The following EFCAB6 variants were observed in gnomAD, a reference collection of about 807,000 sequenced individuals.
EFCAB6 encodes the protein EF-hand calcium-binding domain-containing protein 6.
In EFCAB6, 156 loss-of-function variants were observed where a neutral mutation model predicts 169.8. The ratio of observed to expected loss-of-function variants is 0.92; its 90% CI spans 0.81 to 1.05. The LOEUF (loss-of-function observed/expected upper bound fraction) is 1.05. Among genes scored for constraint, EFCAB6 ranks in the 50% least tolerant of loss-of-function variants. The pLI is 0.00. For synonymous variants in EFCAB6, 698 were observed against 676.4 expected, an observed-to-expected ratio of 1.03 and a Z score of -0.50; for missense variants, 1,800 against 1,829.1, an observed-to-expected ratio of 0.98 and a Z score of 0.29.
chr22:43,533,075 G>A (rs1240001255), intron 30 of EFCAB6, among the ~76,000 whole-genome samples: 2 of 152,258 alleles, frequency 1.3e-5, no homozygotes, highest in African/African-American at 4.8e-5. Flanking sequence ...TTCAATTGTG[G>A]AACTGTAAGT....
intron 28 of EFCAB6, among the ~76,000 whole-genome samples, chr22:43,538,671 G>A (rs543330602): frequency 2.6e-5 from 4 of 152,294 alleles, no homozygotes; most frequent in Admixed American, 2.6e-4. Flanking sequence ...ACAGGTGTGA[G>A]CCACTGCACC....
chr22:43,767,084 C>T lies in EFCAB6; in HGVS notation c.352-1691G>A, dbSNP rs74983278. ...AAATAAATATACAATCAATATAAATCTATTTCATCAAGCTTCACACAAATA... is the reference window on the plus strand; with the variant it reads ...AAATAAATATACAATCAATATAAATTTATTTCATCAAGCTTCACACAAATA... On this transcript the variant is annotated intron_variant, in intron 4 of 31. Transcript: ENST00000262726. Among the ~76,000 whole-genome samples, 246 of 152,190 alleles carry T rather than the reference C, an allele frequency of 1.6e-3. 1 individual carries two copies. Among genetic ancestry groups the T allele is most frequent in the African/African-American group, 5.4e-3 (223 of 41,546 alleles).
intron 8 of EFCAB6, among the ~76,000 whole-genome samples, chr22:43,728,389 T>C (rs992790927): frequency 1.6e-4 from 24 of 152,234 alleles, no homozygotes; most frequent in Non-Finnish European, 8.8e-5. Flanking sequence ...CATGTGTCTT[T>C]ATAGTAGAAT....
At chr22:43,785,387 T>C (rs2062039674) in intron 2 of EFCAB6, among the ~76,000 whole-genome samples, 1 of 151,664 alleles carries the variant, frequency 6.6e-6, no homozygotes, top group Non-Finnish European at 1.5e-5. Flanking sequence ...ACGTGGAAAT[T>C]AAACAACACA....
intron 24 of EFCAB6, among the ~76,000 whole-genome samples, chr22:43,582,339 C>T (rs1028953626): frequency 8.2e-6 from 1 of 121,310 alleles, no homozygotes; most frequent in South Asian, 2.8e-4. Context: ...TTTCTATACA[C>T]ATACACACAC....
At chr22:43,530,474 G>T (rs2046990519) in intron 31 of EFCAB6, 1 of 963,414 alleles carries the variant, frequency 1.0e-6, no homozygotes, top group African/African-American at 1.8e-5. Context: ...GAGCCTGCAG[G>T]AGAGCCCAGG....
chr22:43,542,712 C>T lies in EFCAB6; in HGVS notation c.3649-2355G>A, dbSNP rs892524988. 3.9e-5 allele frequency among the ~76,000 whole-genome samples: 6 copies of T among 152,192 alleles called. No individual in the cohort carries two copies. The East Asian group carries it at 5.8e-4, about 15-fold the overall frequency. On this transcript the variant is annotated intron_variant, in intron 27 of 31. Coordinates refer to ENST00000262726, the MANE Select transcript of EFCAB6 (RefSeq NM_022785.4). ...GCACCGGAGGAAATAGCCCCCAGCC[C>T]GCATGTGGCCTCCAGTCTCCATGGA...
chr22:43,599,238 C>T lies in EFCAB6; in HGVS notation c.2876+831G>A, dbSNP rs558423840. Among the ~76,000 whole-genome samples the T allele has an allele frequency of 7.9e-5, 12 of 152,134 alleles. No individual in the cohort carries two copies. In the East Asian group the frequency reaches 1.7e-3, roughly 22 times the overall value. On this transcript the variant is annotated intron_variant, in intron 23 of 31. Transcript: ENST00000262726. ...GACTGGAGGGTATTCCCTTTGTTGT[C>T]GTTGTGCTGTTATAGACACACTGCA... is the stretch of plus-strand genomic sequence containing the variant.
intron 2 of EFCAB6, among the ~76,000 whole-genome samples, chr22:43,800,020 C>T (rs1174432064): frequency 6.6e-6 from 1 of 152,216 alleles, no homozygotes; most frequent in Non-Finnish European, 1.5e-5. Context: ...AGAAACATCC[C>T]TGAGGACAGA....
At chr22:43,706,066 GAAC>G (rs1473948737) in intron 10 of EFCAB6, among the ~76,000 whole-genome samples, 1 of 152,194 alleles carries the variant, frequency 6.6e-6, no homozygotes, top group Non-Finnish European at 1.5e-5. Flanking sequence ...AGACTATTAT[GAAC>G]AATTATATGC....
chr22:43,693,394 T>C (rs928125758), intron 10 of EFCAB6, among the ~76,000 whole-genome samples: 4 of 151,322 alleles, frequency 2.6e-5, no homozygotes, highest in African/African-American at 7.3e-5. Flanking sequence ...AAATTGCAAC[T>C]GAGGAACATT....
At chr22:43,561,898 C>T (rs2049061409) in intron 26 of EFCAB6, among the ~76,000 whole-genome samples, 1 of 152,214 alleles carries the variant, frequency 6.6e-6, no homozygotes, top group Admixed American at 6.5e-5. Flanking sequence ...ACATCAAAGG[C>T]CCCCTCAGGA....
chr22:43,643,112 C>A (rs1252611921), intron 17 of EFCAB6, among the ~76,000 whole-genome samples: 2 of 152,118 alleles, frequency 1.3e-5, no homozygotes, highest in Non-Finnish European at 2.9e-5. Context: ...CCAAGGATCG[C>A]CACGAAAGAG....
chr22:43,583,132 A>G (rs538299980), intron 24 of EFCAB6, among the ~76,000 whole-genome samples: 2 of 152,242 alleles, frequency 1.3e-5, no homozygotes, highest in East Asian at 3.9e-4. Flanking sequence ...AGCCAAAGCC[A>G]GCATCAGAAT....
intron 5 of EFCAB6, among the ~76,000 whole-genome samples, chr22:43,758,387 T>C (rs369461353): frequency 2.2e-4 from 34 of 152,230 alleles, no homozygotes; most frequent in African/African-American, 7.7e-4. Context: ...CTTCCAAATG[T>C]TGGGAATTAA....
At chr22:43,633,222 T>G (rs2055110485) in intron 18 of EFCAB6, among the ~76,000 whole-genome samples, 1 of 152,120 alleles carries the variant, frequency 6.6e-6, no homozygotes. Flanking sequence ...CTCGCTCCCC[T>G]AAAATTAAGG....
chr22:43,567,905 C>T (rs1038383206), intron 26 of EFCAB6, among the ~76,000 whole-genome samples: 11 of 152,290 alleles, frequency 7.2e-5, no homozygotes, highest in South Asian at 2.1e-4. Flanking sequence ...TGTTTGACTC[C>T]GAAGCCATGC....
intron 27 of EFCAB6, among the ~76,000 whole-genome samples, chr22:43,541,457 C>T (rs1371145037): frequency 6.6e-6 from 1 of 152,222 alleles, no homozygotes; most frequent in Admixed American, 6.5e-5. Flanking sequence ...CTGCACCCTT[C>T]CTGCAGTTTC....
rs553913979 is a variant in EFCAB6, at chr22:43,738,919, C to T, written c.508-2926G>A. Among the ~76,000 whole-genome samples the T allele has an allele frequency of 4.6e-5, 7 of 152,324 alleles. No homozygotes were observed. The South Asian group carries it at 1.4e-3, about 32-fold the overall frequency. ...GATCAAGGGATGAACCTCCGTGATCCTACCTATGGCCAGGTGGGGCCACGT... is the reference window on the plus strand; with the variant it reads ...GATCAAGGGATGAACCTCCGTGATCTTACCTATGGCCAGGTGGGGCCACGT... On this transcript the variant is annotated intron_variant, in intron 6 of 31. Coordinates refer to ENST00000262726, the MANE Select transcript of EFCAB6 (RefSeq NM_022785.4).
Sources: allele counts gnomAD v4.1 joint callset (sites outside exome capture counted in the v4.1 genomes callset), GRCh38; gene constraint gnomAD v4.1.1; transcripts MANE v1.5; gene names NCBI Gene and HGNC (gene_info 2026-07-23, HGNC 2026-07-21).